DTL: variants seen among roughly 807,000 people sequenced by gnomAD.
DTL encodes denticleless protein homolog.
DTL carries 46 observed loss-of-function variants against 87.0 expected under a neutral mutation model. The ratio of observed to expected loss-of-function variants is 0.53; its 90% confidence interval spans 0.42 to 0.68. The LOEUF is 0.68. DTL is among the 30% of genes least tolerant of loss of function. The probability of loss-of-function intolerance (pLI) is 0.00; values close to 1 mark genes in which losing one functional copy is unlikely to be tolerated. For synonymous variants in DTL, 308 were observed against 311.2 expected, an observed-to-expected ratio of 0.99 and a Z score of 0.11; for missense variants, 737 against 869.4, an observed-to-expected ratio of 0.85 and a Z score of 1.91.
chr1:212,080,914 T>C (rs770390535), intron 13 of DTL, among the ~76,000 whole-genome samples, 164 bp downstream of exon 13: 1 of 152,324 alleles, frequency 6.6e-6, no homozygotes, highest in South Asian at 2.1e-4. Flanking sequence ...AGCACTACTA[T>C]GTTTATCATT....
chr1:212,045,436 AGT>A (rs1251927460), intron 3 of DTL, among the ~76,000 whole-genome samples: 1 of 152,266 alleles, frequency 6.6e-6, no homozygotes, highest in Non-Finnish European at 1.5e-5. Flanking sequence ...TGATTAGAGA[AGT>A]GTTGCTTTAA....
rs139079760 is a variant in DTL at position 212,080,880 on chromosome 1, A to G, written c.1261+130A>G. The G allele has an allele frequency of 1.5e-3, 1,434 of 947,756 alleles. 8 individuals carry two copies. The African/African-American group carries it at 0.02, about 13-fold the overall frequency. The allele number at this position is 947,756 out of a possible 1,614,324, so 58.7% of individuals were successfully genotyped here. A position where few individuals can be genotyped will look rare whatever the true frequency, so the allele number is the denominator to read the frequency against. On this transcript the variant is annotated intron_variant, in intron 13 of 14. Transcript: ENST00000366991. ...GAAAAGCACTATCTTCTTGCCATTC[A>G]TTCTTTTTGATAAGTATTTCCCAAG...
At chr1:212,076,540 A>C (rs1046481918) in intron 11 of DTL, among the ~76,000 whole-genome samples, 1 of 71,126 alleles carries the variant, frequency 1.4e-5, no homozygotes, top group Non-Finnish European at 2.8e-5. Context: ...CTGAGAAAGG[A>C]CCAATATCAT....
intron 5 of DTL, among the ~76,000 whole-genome samples, chr1:212,060,993 A>C (rs140799570): frequency 1.3e-5 from 2 of 152,332 alleles, no homozygotes; most frequent in African/African-American, 4.8e-5. Context: ...ATAAGGGAAT[A>C]ATATGTAGAA....
chr1:212,064,428 C>T lies in DTL; in HGVS notation c.527-489C>T, dbSNP rs371381595. Among the ~76,000 whole-genome samples the T allele has an allele frequency of 2.8e-4, 43 of 152,322 alleles. No individual in the cohort carries two copies. In the South Asian group the frequency reaches 8.7e-3, roughly 31 times the overall value. ...TTATATATTCTTAGTATTACACATT[C>T]TGTGGATATTGACAAATGTGTAATG... On this transcript the variant is annotated intron_variant, in intron 6 of 14. Transcript: ENST00000366991.
intron 6 of DTL, among the ~76,000 whole-genome samples, chr1:212,063,419 G>C (rs1265513966): frequency 6.6e-6 from 1 of 151,620 alleles, no homozygotes; most frequent in Non-Finnish European, 1.5e-5. Context: ...CTCCTGAGTA[G>C]CTGGGATTAC....
chr1:212,066,747 T>A, intron 7 of DTL, 65 bp from the exon 8 acceptor site: 1 of 1,508,266 alleles, frequency 6.6e-7, no homozygotes, highest in Non-Finnish European at 9.2e-7. Flanking sequence ...TTTAGCACCT[T>A]GTTCCCTTGA....
intron 13 of DTL, among the ~76,000 whole-genome samples, chr1:212,087,344 C>G (rs147314689): frequency 6.6e-6 from 1 of 151,958 alleles, no homozygotes; most frequent in African/African-American, 2.4e-5. Flanking sequence ...GTCAGGAGAT[C>G]GAGACCATCC....
chr1:212,052,268 T>A (rs989164576), intron 5 of DTL, among the ~76,000 whole-genome samples: 17 of 152,180 alleles, frequency 1.1e-4, no homozygotes, highest in South Asian at 2.1e-4. Flanking sequence ...AGTTTTCCTG[T>A]TTGAGGCTTG....
At chr1:212,060,902 A>G (rs562346097) in intron 5 of DTL, among the ~76,000 whole-genome samples, 3 of 152,300 alleles carry the variant, frequency 2.0e-5, no homozygotes, top group Non-Finnish European at 4.4e-5. Flanking sequence ...GAACAAATAG[A>G]TAAACTAGAC....
chr1:212,046,933 C>T (rs555104958), intron 3 of DTL, among the ~76,000 whole-genome samples: 31 of 152,276 alleles, frequency 2.0e-4, no homozygotes, highest in South Asian at 4.1e-4. Context: ...GCTATCTCTC[C>T]GCAGCCTTGC....
chr1:212,038,802 C>T (rs112596028), intron 1 of DTL, among the ~76,000 whole-genome samples: 5 of 152,086 alleles, frequency 3.3e-5, no homozygotes, highest in Non-Finnish European at 5.9e-5. Context: ...TTATTATAAA[C>T]TTAAACAAAT....
intron 10 of DTL, among the ~76,000 whole-genome samples, chr1:212,068,944 T>C (rs1654590519): frequency 6.6e-6 from 1 of 152,266 alleles, no homozygotes; most frequent in Non-Finnish European, 1.5e-5. Context: ...CCTGAAATTA[T>C]GCCCTTTGGC....
At chr1:212,041,020 T>C (rs990493558) in intron 1 of DTL, among the ~76,000 whole-genome samples, 2 of 152,230 alleles carry the variant, frequency 1.3e-5, no homozygotes, top group Admixed American at 6.5e-5. Flanking sequence ...CATGTTCTTG[T>C]ATACTACTTG....
chr1:212,041,610 A>G (rs768576790), intron 1 of DTL, among the ~76,000 whole-genome samples: 7 of 151,630 alleles, frequency 4.6e-5, no homozygotes, highest in African/African-American at 7.3e-5. Context: ...GGTTCACTCT[A>G]TTCTCCTGCC....
chr1:212,037,822 C>T (rs1251085732), intron 1 of DTL, among the ~76,000 whole-genome samples: 2 of 152,176 alleles, frequency 1.3e-5, no homozygotes, highest in Non-Finnish European at 2.9e-5. Flanking sequence ...CACCTCCTAC[C>T]ACCACCCAGG....
At chr1:212,095,426 C>T (rs1655416807) in intron 13 of DTL, among the ~76,000 whole-genome samples, 1 of 152,150 alleles carries the variant, frequency 6.6e-6, no homozygotes, top group African/African-American at 2.4e-5. Context: ...ACCATCTCAG[C>T]TCACTGCAAC....
intron 1 of DTL, among the ~76,000 whole-genome samples, chr1:212,037,815 C>G (rs1179663780): frequency 6.6e-6 from 1 of 152,150 alleles, no homozygotes; most frequent in African/African-American, 2.4e-5. Context: ...GAAGGAGCAC[C>G]TCCTACCACC....
chr1:212,059,710 C>G (rs1459695254), intron 5 of DTL, among the ~76,000 whole-genome samples: 2 of 133,454 alleles, frequency 1.5e-5, no homozygotes, highest in African/African-American at 5.6e-5. Flanking sequence ...AGTATCCAAA[C>G]TGGAAAAGAA....
Sources: allele counts gnomAD v4.1 joint callset (sites outside exome capture counted in the v4.1 genomes callset), GRCh38; gene constraint gnomAD v4.1.1; transcripts MANE v1.5; gene names NCBI Gene and HGNC (gene_info 2026-07-23, HGNC 2026-07-21).